AFF1: variants seen among roughly 807,000 people sequenced by gnomAD.
AFF1 encodes the protein AF4/FMR2 family member 1.
AFF1 carries 48 observed loss-of-function variants against 121.7 expected under a neutral mutation model. That is an observed-to-expected ratio of 0.39 (90% CI 0.31 to 0.50). The LOEUF (loss-of-function observed/expected upper bound fraction) is 0.50, where lower values mean the gene tolerates loss of function less well. AFF1 is among the 20% of genes least tolerant of loss of function. AFF1 has a pLI of 0.76. For synonymous variants in AFF1, 613 were observed against 563.0 expected, an observed-to-expected ratio of 1.09 and a Z score of -1.26; for missense variants, 1,523 against 1,511.7, an observed-to-expected ratio of 1.01 and a Z score of -0.12.
chr4:86,999,437 T>C (rs956318168), intron 2 of AFF1, among the ~76,000 whole-genome samples: 1 of 152,174 alleles, frequency 6.6e-6, no homozygotes, highest in Non-Finnish European at 1.5e-5. Flanking sequence ...TTGATAGATA[T>C]CTCTCAGCAT....
intron 4 of AFF1, among the ~76,000 whole-genome samples, chr4:87,058,047 C>G (rs1379203583): frequency 6.6e-6 from 1 of 152,116 alleles, no homozygotes; most frequent in Non-Finnish European, 1.5e-5. Flanking sequence ...GTGCCCTTTC[C>G]CCTTTAATTT....
At chr4:87,075,227 G>C (rs920702357) in intron 4 of AFF1, among the ~76,000 whole-genome samples, 3 of 152,028 alleles carry the variant, frequency 2.0e-5, no homozygotes, top group Admixed American at 6.5e-5. Flanking sequence ...TTAGGATTTA[G>C]TGGGTTTTTT....
intron 4 of AFF1, among the ~76,000 whole-genome samples, chr4:87,064,980 A>C (rs1421007213): frequency 2.0e-5 from 3 of 151,970 alleles, no homozygotes; most frequent in Non-Finnish European, 2.9e-5. Context: ...TGTAGGCTGC[A>C]GTGAGCTGTG....
chr4:87,134,272 G>A (rs1259340198), intron 19 of AFF1, among the ~76,000 whole-genome samples, 199 bp from the exon 20 acceptor site: 3 of 152,212 alleles, frequency 2.0e-5, no homozygotes, highest in Admixed American at 1.3e-4. Context: ...AATGGCATGG[G>A]AAAGCATATT....
chr4:86,946,723 T>G (rs1377151854), intron 1 of AFF1, among the ~76,000 whole-genome samples: 1 of 152,002 alleles, frequency 6.6e-6, no homozygotes, highest in African/African-American at 2.4e-5. Flanking sequence ...CAGCAGATGC[T>G]CAGGATACAT....
At chr4:87,059,798 G>A (rs1720545600) in intron 4 of AFF1, among the ~76,000 whole-genome samples, 1 of 152,156 alleles carries the variant, frequency 6.6e-6, no homozygotes, top group South Asian at 2.1e-4. Context: ...CCGAGTTTCA[G>A]CACTTCTCCC....
At chr4:87,081,196 C>G (rs769936621) in intron 4 of AFF1, among the ~76,000 whole-genome samples, 5 of 118,980 alleles carry the variant, frequency 4.2e-5, no homozygotes, top group Non-Finnish European at 8.0e-5. Flanking sequence ...GAGTCTCACT[C>G]GGTCTCCCAG....
At chr4:87,081,916 A>G (rs901823148) in intron 4 of AFF1, among the ~76,000 whole-genome samples, 2 of 152,222 alleles carry the variant, frequency 1.3e-5, no homozygotes, top group African/African-American at 4.8e-5. Context: ...TCTTGGGGAA[A>G]AAAAACATTT....
intron 11 of AFF1, among the ~76,000 whole-genome samples, chr4:87,109,201 A>G (rs1322700461): frequency 1.3e-5 from 2 of 152,358 alleles, no homozygotes; most frequent in South Asian, 4.1e-4. Context: ...CTTTCTAATT[A>G]GGAAAGCATT....
At chr4:87,126,904 T>C (rs1344320603) in intron 14 of AFF1, 122 bp from the exon 15 acceptor site, 1 of 803,626 alleles carries the variant, frequency 1.2e-6, no homozygotes, top group Non-Finnish European at 2.0e-6. Flanking sequence ...GGGTAGATTG[T>C]GCATTGTTTG....
At chr4:87,037,132 T>G (rs1442270582) in intron 2 of AFF1, among the ~76,000 whole-genome samples, 1 of 152,224 alleles carries the variant, frequency 6.6e-6, no homozygotes, top group Non-Finnish European at 1.5e-5. Flanking sequence ...CCAGTATTTC[T>G]TTATCCCCAG....
At chr4:87,130,932 T>C in intron 16 of AFF1, 151 bp from the exon 17 acceptor site, 1 of 1,049,100 alleles carries the variant, frequency 9.5e-7, no homozygotes, top group South Asian at 1.6e-5. Context: ...TGACAGGCTT[T>C]GGTTATCATT....
intron 13 of AFF1, among the ~76,000 whole-genome samples, chr4:87,125,830 G>C (rs1420298921): frequency 6.6e-6 from 1 of 152,194 alleles, no homozygotes; most frequent in Non-Finnish European, 1.5e-5. Flanking sequence ...TTGGGAAGCA[G>C]CTGAAGCAGG....
intron 2 of AFF1, among the ~76,000 whole-genome samples, chr4:86,981,300 G>T (rs1356319525): frequency 6.6e-6 from 1 of 152,102 alleles, no homozygotes; most frequent in Non-Finnish European, 1.5e-5. Context: ...AGTTGATTAT[G>T]TAGGAATTGT....
intron 2 of AFF1, among the ~76,000 whole-genome samples, chr4:87,044,719 C>T (rs1730498475): frequency 6.6e-6 from 1 of 152,094 alleles, no homozygotes; most frequent in Non-Finnish European, 1.5e-5. Flanking sequence ...GGGAAGCTGG[C>T]TCTGGAAGAA....
chr4:87,091,587 T>G (rs1435849011), intron 6 of AFF1, among the ~76,000 whole-genome samples: 2 of 152,180 alleles, frequency 1.3e-5, no homozygotes, highest in African/African-American at 4.8e-5. Context: ...GAAAAAAGTT[T>G]GAATAGATGG....
chr4:86,952,061 C>T (rs564067786), intron 2 of AFF1, among the ~76,000 whole-genome samples: 1 of 151,932 alleles, frequency 6.6e-6, no homozygotes, highest in Non-Finnish European at 1.5e-5. Context: ...CTGTCTTTTG[C>T]TCCATTGATG....
intron 13 of AFF1, among the ~76,000 whole-genome samples, chr4:87,125,494 G>T (rs1728143219): frequency 6.6e-6 from 1 of 152,062 alleles, no homozygotes; most frequent in African/African-American, 2.4e-5. Flanking sequence ...CAAAGTCAGA[G>T]AATTCTTACT....
At chr4:87,034,663 A>G (rs553890117) in intron 2 of AFF1, among the ~76,000 whole-genome samples, 1 of 152,366 alleles carries the variant, frequency 6.6e-6, no homozygotes, top group African/African-American at 2.4e-5. Flanking sequence ...TGAAGAATAA[A>G]ACATGTAACA....
Sources: allele counts gnomAD v4.1 joint callset (sites outside exome capture counted in the v4.1 genomes callset), GRCh38; gene constraint gnomAD v4.1.1; transcripts MANE v1.5; gene names NCBI Gene and HGNC (gene_info 2026-07-23, HGNC 2026-07-21).